Variants in CEP128 observed in about 807,000 individuals in gnomAD.
CEP128 encodes centrosomal protein 128kDa.
Under a neutral mutation model 156.7 loss-of-function variants are expected in CEP128, and 132 were observed. That is an observed-to-expected ratio of 0.84 (90% CI 0.73 to 0.97). The LOEUF is 0.97. Ranked by LOEUF, CEP128 falls within the 50% of genes least tolerant of loss-of-function variation. CEP128 has a pLI of 0.00. For synonymous variants in CEP128, 469 were observed against 448.9 expected (o/e 1.04, Z -0.57); for missense variants, 1,252 against 1,281.9 (o/e 0.98, Z 0.36).
intron 2 of CEP128, chr14:80,957,940 A>G (rs1399763737): frequency 6.6e-6 from 1 of 152,206 alleles, no homozygotes; most frequent in Non-Finnish European, 1.5e-5. Context: ...CTTGAGAATA[A>G]TGGAGAGGGA....
chr14:80,567,806 G>A (rs1890978340), intron 20 of CEP128, among the ~76,000 whole-genome samples: 1 of 152,066 alleles, frequency 6.6e-6, no homozygotes, highest in South Asian at 2.1e-4. Flanking sequence ...GGTGGCTAGG[G>A]GCAATGCAAA....
intron 15 of CEP128, among the ~76,000 whole-genome samples, chr14:80,779,196 T>G (rs761639456): frequency 1.3e-5 from 2 of 152,210 alleles, no homozygotes; most frequent in African/African-American, 2.4e-5. Flanking sequence ...CTTTAATGCC[T>G]AAAATATATG....
intron 19 of CEP128, among the ~76,000 whole-genome samples, chr14:80,636,943 A>T (rs548787351): frequency 9.9e-5 from 15 of 152,014 alleles, no homozygotes; most frequent in Non-Finnish European, 1.9e-4. Flanking sequence ...AAAATTAGCC[A>T]GGCGTGGTGG....
chr14:80,904,742 G>A (rs574481873), intron 6 of CEP128, 71 bp downstream of exon 6: 1 of 870,488 alleles, frequency 1.1e-6, no homozygotes, highest in South Asian at 1.4e-5. Context: ...TAAAGTTCAA[G>A]CATTAGTCAT....
chr14:80,611,814 G>A (rs1353691739), intron 19 of CEP128, among the ~76,000 whole-genome samples: 1 of 152,104 alleles, frequency 6.6e-6, no homozygotes, highest in African/African-American at 2.4e-5. Context: ...AATCCCAGCA[G>A]TTTGGGAGGC....
chr14:80,628,427 T>C (rs1355163676), intron 19 of CEP128, among the ~76,000 whole-genome samples: 1 of 152,202 alleles, frequency 6.6e-6, no homozygotes, highest in Non-Finnish European at 1.5e-5. Flanking sequence ...CAGTAAAAGC[T>C]AAAGAAATGA....
chr14:80,531,608 G>A (rs1889228240), intron 21 of CEP128, among the ~76,000 whole-genome samples: 1 of 152,216 alleles, frequency 6.6e-6, no homozygotes, highest in African/African-American at 2.4e-5. Context: ...AGGCATCTCT[G>A]TATCCTCAGC....
intron 20 of CEP128, among the ~76,000 whole-genome samples, chr14:80,569,641 AT>A (rs1425628954): frequency 1.8e-4 from 27 of 152,334 alleles, no homozygotes; most frequent in Admixed American, 1.5e-3. Context: ...ATTCAAAAAA[AT>A]ATTCTTATTA....
intron 13 of CEP128, among the ~76,000 whole-genome samples, chr14:80,803,966 A>C (rs1884024723): frequency 1.3e-5 from 2 of 152,150 alleles, no homozygotes; most frequent in Non-Finnish European, 1.5e-5. Flanking sequence ...TACCATATAC[A>C]TGATACAATA....
At chr14:80,769,038 C>G (rs900455057) in intron 16 of CEP128, among the ~76,000 whole-genome samples, 2 of 152,072 alleles carry the variant, frequency 1.3e-5, no homozygotes, top group Non-Finnish European at 2.9e-5. Context: ...AAATAACATC[C>G]ATAATTTAAA....
At chr14:80,791,070 A>C (rs893237896) in intron 14 of CEP128, among the ~76,000 whole-genome samples, 2 of 152,212 alleles carry the variant, frequency 1.3e-5, no homozygotes, top group African/African-American at 4.8e-5. Flanking sequence ...GATTTTATTG[A>C]GAATTAAATA....
intron 2 of CEP128, among the ~76,000 whole-genome samples, chr14:80,928,065 A>C (rs779954478): frequency 6.6e-6 from 1 of 152,202 alleles, no homozygotes; most frequent in Non-Finnish European, 1.5e-5. Flanking sequence ...ACTAGGTGAC[A>C]ATCAACTATA....
chr14:80,945,757 A>G (rs1886325903), upstream of CEP128: 1 of 152,292 alleles, frequency 6.6e-6, no homozygotes, highest in Non-Finnish European at 1.5e-5. Context: ...GAAGCAGCTG[A>G]CAATGCTAAC....
rs1434241185 is a variant in CEP128 at position 80,916,437 on chromosome 14, AACTTCTACTGTAGGAAG to A, written c.94_110del (p.Leu32TyrfsTer33). On this transcript the variant is annotated frameshift_variant, in exon 3 of 25. Transcript: ENST00000555265. LOFTEE classifies it high-confidence loss of function. ...TTGTTATAGTGTTGACCTTCTCGGT[AACTTCTACTGTAGGAAG>A]ACTTCGAGTTCCCCTGTGCGTTGAT... 4 of 1,613,982 alleles carry A rather than the reference AACTTCTACTGTAGGAAG, an allele frequency of 2.5e-6. No homozygotes were observed. Among genetic ancestry groups the A allele is most frequent in the Non-Finnish European group, 3.4e-6 (4 of 1,179,982 alleles).
intron 13 of CEP128, among the ~76,000 whole-genome samples, chr14:80,824,024 C>CCAAACCT (rs1859510558): frequency 6.6e-6 from 1 of 152,228 alleles, no homozygotes; most frequent in Admixed American, 6.5e-5. Flanking sequence ...GTGGAGGTTC[C>CCAAACCT]CAAACCTCAA....
At chr14:80,655,547 A>C (rs1436162335) in intron 19 of CEP128, among the ~76,000 whole-genome samples, 1 of 152,170 alleles carries the variant, frequency 6.6e-6, no homozygotes, top group Non-Finnish European at 1.5e-5. Flanking sequence ...TAGGGGATCC[A>C]GTGGGTGAGT....
At chr14:80,740,535 T>TAGATAGAC (rs1898772075) in intron 19 of CEP128, among the ~76,000 whole-genome samples, 1 of 143,612 alleles carries the variant, frequency 7.0e-6, no homozygotes, top group Non-Finnish European at 1.5e-5. Context: ...GATAGATAGA[T>TAGATAGAC]AGATAGATAG....
intron 21 of CEP128, among the ~76,000 whole-genome samples, chr14:80,552,244 G>A (rs1282050061): frequency 6.6e-6 from 1 of 151,932 alleles, no homozygotes; most frequent in East Asian, 1.9e-4. Context: ...GGGAGATGGA[G>A]GTTGCAGTGA....
chr14:80,552,184 C>T (rs1382580044), intron 21 of CEP128, among the ~76,000 whole-genome samples: 2 of 151,974 alleles, frequency 1.3e-5, no homozygotes, highest in African/African-American at 4.8e-5. Context: ...TGGTGGGCAC[C>T]TGTAATCCCA....
Sources: gnomAD v4.1 joint callset for allele counts (sites outside exome capture counted in the v4.1 genomes callset) on GRCh38, gnomAD v4.1.1 for gene constraint, MANE v1.5 for transcripts, NCBI Gene and HGNC (gene_info 2026-07-23, HGNC 2026-07-21) for gene names.